Variants in MORC4 observed in about 807,000 individuals in gnomAD.
The protein encoded by MORC4 is MORC family CW-type zinc finger protein 4.
MORC4 carries 22 observed loss-of-function variants against 65.5 expected under a neutral mutation model. The observed-to-expected ratio is 0.34, with a 90% CI of 0.24 to 0.48. The LOEUF (loss-of-function observed/expected upper bound fraction) is 0.48, where lower values mean the gene tolerates loss of function less well. MORC4 is among the 20% of genes least tolerant of loss of function. The probability of loss-of-function intolerance (pLI) is 0.99; values close to 1 mark genes in which losing one functional copy is unlikely to be tolerated. For synonymous variants in MORC4, 267 were observed against 255.8 expected, an observed-to-expected ratio of 1.04 and a Z score of -0.42; for missense variants, 624 against 703.0, an observed-to-expected ratio of 0.89 and a Z score of 1.27.
At chrX:106,953,269 C>A (rs1348427416) in intron 14 of MORC4, among the ~76,000 whole-genome samples, 1 of 111,133 alleles carries the variant, frequency 9.0e-6, no homozygotes, top group African/African-American at 3.3e-5. Context: ...TTACCAAAAA[C>A]CACTACAGGG....
rs1280746842 is a variant in MORC4 at position 106,955,671 on chromosome X, TCAGA to T, written c.1510-587_1510-584del. ...CCTAGGAAATCTACCAATCTCTACA[TCAGA>T]CAATTAAACCAAGGCATTAGGGTAT... is the stretch of plus-strand genomic sequence containing the variant. On this transcript the variant is annotated intron_variant, in intron 13 of 16. Transcript: ENST00000355610. 4.5e-5 allele frequency among the ~76,000 whole-genome samples: 5 copies of T among 111,300 alleles called. No homozygotes were observed. The Admixed American group carries it at 4.8e-4, about 11-fold the overall frequency.
At chrX:106,981,578 C>T in intron 5 of MORC4, 101 bp from the exon 6 acceptor site, 1 of 738,874 alleles carries the variant, frequency 1.4e-6, no homozygotes, top group East Asian at 3.4e-5. Context: ...TGAGCCAAAA[C>T]TCAGGTATCT....
At chrX:106,945,026 T>C (rs992790579) in intron 14 of MORC4, among the ~76,000 whole-genome samples, 4 of 112,156 alleles carry the variant, frequency 3.6e-5, no homozygotes, top group Non-Finnish European at 5.6e-5. Flanking sequence ...TAGCTCACTA[T>C]TGAAGCTTTT....
chrX:106,979,249 T>C (rs552655921), intron 7 of MORC4, among the ~76,000 whole-genome samples: 2 of 111,143 alleles, frequency 1.8e-5, no homozygotes, highest in African/African-American at 6.5e-5. Flanking sequence ...CACAGTAATG[T>C]TTGGCTCAGA....
At chrX:106,951,662 C>A (rs910071359) in intron 14 of MORC4, among the ~76,000 whole-genome samples, 13 of 111,300 alleles carry the variant, frequency 1.2e-4, no homozygotes, top group African/African-American at 4.2e-4. Flanking sequence ...AGGTACTGCA[C>A]CCGGCCACTT....
intron 9 of MORC4, among the ~76,000 whole-genome samples, 172 bp from the exon 10 acceptor site, chrX:106,962,282 G>A (rs750049966): frequency 8.9e-6 from 1 of 112,586 alleles, no homozygotes; most frequent in South Asian, 3.7e-4. Flanking sequence ...CAAGCTACAT[G>A]TCAAAATGAC....
chrX:106,986,164 C>A lies in MORC4; in HGVS notation c.345G>T (p.Gln115His). 1 of 1,207,809 alleles carries A rather than the reference C, an allele frequency of 8.3e-7. No homozygotes were observed. Among genetic ancestry groups the A allele is most frequent in the Non-Finnish European group, 1.1e-6 (1 of 893,577 alleles). Residue 115 changes from glutamine (Q) to histidine (H), a missense_variant, in exon 4 of 17, where the codon CAG becomes CAT. By Grantham distance (24) the Gln-to-His change is conservative. Coordinates refer to ENST00000355610, the MANE Select transcript of MORC4 (RefSeq NM_024657.5). ...CATTACCAAAGACCCCAATGGGACA[C>A]TGGCTCTTCTTTATTACTTTATCTG... ...GFTDKVIKKS[Q>H]CPIGVFGNGF...
intron 5 of MORC4, among the ~76,000 whole-genome samples, chrX:106,983,814 G>A (rs1018149033): frequency 1.3e-4 from 14 of 108,556 alleles, no homozygotes; most frequent in Non-Finnish European, 2.7e-4. Context: ...CCAAAGTACT[G>A]GAATTACAGG....
At chrX:106,978,434 G>C (rs1179146437) in intron 7 of MORC4, among the ~76,000 whole-genome samples, 1 of 110,836 alleles carries the variant, frequency 9.0e-6, no homozygotes, top group East Asian at 2.8e-4. Flanking sequence ...CAAACGTTAA[G>C]GAATTACAGA....
At chrX:106,983,005 T>C (rs1342758155) in intron 5 of MORC4, among the ~76,000 whole-genome samples, 1 of 111,615 alleles carries the variant, frequency 9.0e-6, no homozygotes, top group Non-Finnish European at 1.9e-5. Context: ...TGGATCCTTT[T>C]GGATTTTGAA....
At chrX:106,992,928 T>C (rs1935008193) in intron 3 of MORC4, among the ~76,000 whole-genome samples, 1 of 112,297 alleles carries the variant, frequency 8.9e-6, no homozygotes, top group Admixed American at 9.4e-5. Flanking sequence ...CTAGGATACT[T>C]TTCCTAACCT....
Position 106,981,012 on chromosome X carries a change from C to T in MORC4, c.815G>A (p.Cys272Tyr), listed in dbSNP as rs1340711447. 8.3e-7 allele frequency: 1 copy of T among 1,209,451 alleles called. No homozygotes were observed. Among genetic ancestry groups the T allele is most frequent in the Non-Finnish European group, 1.1e-6 (1 of 894,331 alleles). Reference protein sequence around the residue: ...PETEYSLRAFCGILYMKPRMK... With the variant: ...PETEYSLRAFYGILYMKPRMK... Reference sequence around the variant, plus strand: ...GCGTGGCTTCATGTATAGAATACCACAAAATGCCTACGGAACAGAATGGTG... The same window carrying T: ...GCGTGGCTTCATGTATAGAATACCATAAAATGCCTACGGAACAGAATGGTG... The change falls in exon 7 of 17, where the codon TGT becomes TAT. Residue 272 changes from cysteine (C) to tyrosine (Y), a missense_variant. Transcript: ENST00000355610.
chrX:106,961,995 C>A lies in MORC4; in HGVS notation c.1256+17G>T. The stretch of plus-strand genomic sequence containing the variant: ...ATATTACCCCTAATACATTCATATT[C>A]TGTATGTATTACTTACGGTATTGGC... On this transcript the variant is annotated intron_variant, in intron 10 of 16. Transcript: ENST00000355610. 3 of 1,073,664 alleles carry A rather than the reference C, an allele frequency of 2.8e-6. No homozygotes were observed. The highest frequency in any genetic ancestry group is 3.9e-6 in the Non-Finnish European group (3 of 771,242). 88.5% of individuals were successfully genotyped at this position (1,073,664 alleles called of 1,213,427 possible).
At chrX:106,987,767 A>G (rs1449277010) in intron 3 of MORC4, among the ~76,000 whole-genome samples, 1 of 111,162 alleles carries the variant, frequency 9.0e-6, no homozygotes, top group Admixed American at 9.6e-5. Flanking sequence ...CAATAATACC[A>G]TATGTCCTCC....
intron 12 of MORC4, 73 bp from the exon 13 acceptor site, chrX:106,956,607 A>G: frequency 1.2e-6 from 1 of 867,257 alleles, no homozygotes; most frequent in Admixed American, 2.2e-5. Context: ...CCAATTGTAG[A>G]TTTAGGTTAT....
chrX:106,948,496 TTTAA>T (rs1446315409), intron 14 of MORC4, among the ~76,000 whole-genome samples: 2 of 112,183 alleles, frequency 1.8e-5, no homozygotes, highest in African/African-American at 3.2e-5. Flanking sequence ...TTTTGTGCTC[TTTAA>T]TTAACTACAC....
At chrX:106,954,843 T>C (rs1934064372) in intron 14 of MORC4, 70 bp downstream of exon 14, 2 of 1,008,571 alleles carry the variant, frequency 2.0e-6, no homozygotes, top group Non-Finnish European at 2.7e-6. Context: ...AGGTAAAACA[T>C]ACCAACTTAC....
At chrX:106,972,556 C>T (rs1934543350) in intron 9 of MORC4, among the ~76,000 whole-genome samples, 1 of 111,842 alleles carries the variant, frequency 8.9e-6, no homozygotes, top group South Asian at 3.8e-4. Context: ...CTAGGAAAGA[C>T]CTGCCAAGAG....
At chrX:106,964,036 T>C (rs1483098841) in intron 9 of MORC4, among the ~76,000 whole-genome samples, 1 of 109,920 alleles carries the variant, frequency 9.1e-6, no homozygotes, top group Non-Finnish European at 1.9e-5. Context: ...AGGAAAAAAA[T>C]AGAAACCACC....
Sources: gnomAD v4.1 joint callset for allele counts (sites outside exome capture counted in the v4.1 genomes callset) on GRCh38, gnomAD v4.1.1 for gene constraint, MANE v1.5 for transcripts, NCBI Gene and HGNC (gene_info 2026-07-23, HGNC 2026-07-21) for gene names.